PCDHGA1: variants seen among roughly 807,000 people sequenced by gnomAD.
The protein encoded by PCDHGA1 is protocadherin gamma-A1.
Under a neutral mutation model 58.0 loss-of-function variants are expected in PCDHGA1, and 32 were observed. The ratio of observed to expected loss-of-function variants is 0.55; its 90% CI spans 0.42 to 0.74. The LOEUF is 0.74. PCDHGA1 is among the 30% of genes least tolerant of loss of function. PCDHGA1 has a pLI of 0.00. For synonymous variants in PCDHGA1, 498 were observed against 501.1 expected, an observed-to-expected ratio of 0.99 and a Z score of 0.08; for missense variants, 1,205 against 1,182.3, an observed-to-expected ratio of 1.02 and a Z score of -0.28.
Position 141,331,905 on chromosome 5 carries a change from AAG to A in PCDHGA1, c.1223_1224del (p.Arg408AsnfsTer27), listed in dbSNP as rs751181603. 1 of 1,614,196 alleles carries A rather than the reference AAG, an allele frequency of 6.2e-7. No homozygotes were observed. Among genetic ancestry groups the A allele is most frequent in the Non-Finnish European group, 8.5e-7 (1 of 1,180,038 alleles). ...VDNYYRLVTE[R>X]TLDRELISGY... ...ATAATTATTACCGTTTAGTGACTGA[AAG>A]AACACTGGACAGAGAACTTATCTCT... On this transcript the variant is annotated frameshift_variant, in exon 1 of 4. Transcript: ENST00000517417. LOFTEE classifies it high-confidence loss of function.
intron 2 of PCDHGA1, among the ~76,000 whole-genome samples, chr5:141,501,290 T>TACAC (rs55762287): frequency 0.051 from 6,975 of 136,060 alleles, 192 homozygotes; most frequent in African/African-American, 0.071. Context: ...TATTCCCTTA[T>TACAC]ACACACACAC....
At chr5:141,392,730 C>T (rs1374381872) in intron 1 of PCDHGA1, 10 of 1,409,212 alleles carry the variant, frequency 7.1e-6, no homozygotes, top group Non-Finnish European at 8.4e-6. Context: ...GGAGGATTGT[C>T]ATCTCCATAG....
At chr5:141,502,953 C>G (rs145774277) in intron 2 of PCDHGA1, among the ~76,000 whole-genome samples, 1,594 of 147,762 alleles carry the variant, frequency 0.011, 24 homozygotes, top group African/African-American at 0.037. Context: ...AAGCGATTCT[C>G]CTGCCTCAGC....
rs70988800 is a variant in PCDHGA1 at position 141,379,889 on chromosome 5, C to CTTTTTTTTTTTTTTTTTTTTTTTT, written c.2421+46791_2421+46814dup. Among the ~76,000 whole-genome samples, 49 of 50,830 alleles carry CTTTTTTTTTTTTTTTTTTTTTTTT rather than the reference C, an allele frequency of 9.6e-4. 5 individuals are homozygous for CTTTTTTTTTTTTTTTTTTTTTTTT. The highest frequency in any genetic ancestry group is 1.6e-3 in the Non-Finnish European group (41 of 25,880). 33.3% of individuals were successfully genotyped at this position (50,830 alleles called of 152,430 possible). ...CTTATTTTATGGTCTGTGAAAGCCT[C>CTTTTTTTTTTTTTTTTTTTTTTTT]TTTTTTTTTTTTTTTTTTTTTTTTT... On this transcript the variant is annotated intron_variant, in intron 1 of 3. Coordinates refer to ENST00000517417, the MANE Select transcript of PCDHGA1 (RefSeq NM_018912.3).
At position 141,440,639 on chromosome 5, in the gene PCDHGA1, T is replaced by C. The variant is rs2098191350; in HGVS notation, c.2422-54168T>C. On this transcript the variant is annotated intron_variant, in intron 1 of 3. Coordinates refer to ENST00000517417, the MANE Select transcript of PCDHGA1 (RefSeq NM_018912.3). ...GATCCTGATGTTGAGAGAAATTCCT[T>C]ACAAAATTATCACCTTAGCAGCAAC... 2 of 152,192 alleles carry C rather than the reference T, an allele frequency of 1.3e-5. 1 individual carries two copies. The highest frequency in any genetic ancestry group is 4.8e-5 in the African/African-American group (2 of 41,440). The allele number at this position is 152,192 out of a possible 1,614,324, so 9.4% of individuals were successfully genotyped here.
At chr5:141,421,303 G>A (rs1456288695) in intron 1 of PCDHGA1, 1 of 1,613,660 alleles carries the variant, frequency 6.2e-7, no homozygotes, top group Non-Finnish European at 8.5e-7. Flanking sequence ...GACGCTGCGG[G>A]GGTTCCGGGC....
At chr5:141,438,741 A>T (rs1184994731) in intron 1 of PCDHGA1, among the ~76,000 whole-genome samples, 3 of 148,914 alleles carry the variant, frequency 2.0e-5, no homozygotes, top group South Asian at 2.1e-4. Context: ...AGCTCACTGC[A>T]ACCTCTGCCT....
Position 141,331,356 on chromosome 5 carries a change from GA to G in PCDHGA1, c.673del (p.Thr225ProfsTer25). On this transcript the variant is annotated frameshift_variant, in exon 1 of 4. Transcript: ENST00000517417. LOFTEE classifies it high-confidence loss of function. ...ATGGGGGTGAACCAGTCCGTTCAGGGACCCTCAGAATTTACATTCAGGTGGT... is the reference window on the plus strand; with the variant it reads ...ATGGGGGTGAACCAGTCCGTTCAGGGCCCTCAGAATTTACATTCAGGTGGT... Reference protein sequence around the residue: ...SDGGEPVRSGTLRIYIQVVDA... With the variant: ...SDGGEPVRSGXLRIYIQVVDA... The G allele has an allele frequency of 6.2e-7, 1 of 1,614,126 alleles. No individual in the cohort carries two copies. The highest frequency in any genetic ancestry group is 8.5e-7 in the Non-Finnish European group (1 of 1,180,052).
Position 141,345,267 on chromosome 5 carries a change from C to T in PCDHGA1, c.2421+12162C>T, listed in dbSNP as rs770576379. On this transcript the variant is annotated intron_variant, in intron 1 of 3. Transcript: ENST00000517417. The stretch of plus-strand genomic sequence containing the variant: ...CTTAGTGACGGCCACATCCCTGGAC[C>T]GCGAACAAATATCAGAATATAACAT... 3.1e-6 allele frequency: 5 copies of T among 1,613,882 alleles called. No homozygotes were observed. The highest frequency in any genetic ancestry group is 1.3e-5 in the African/African-American group (1 of 74,994).
At chr5:141,421,034 C>G (rs2096540283) in intron 1 of PCDHGA1, 2 of 538,266 alleles carry the variant, frequency 3.7e-6, no homozygotes, top group Non-Finnish European at 6.4e-6. Context: ...CATTGAGTCC[C>G]TCCCTCCCCC....
intron 1 of PCDHGA1, chr5:141,343,970 A>C: frequency 7.3e-7 from 1 of 1,376,390 alleles, no homozygotes; most frequent in South Asian, 1.6e-5. Context: ...TTGAGAAAAT[A>C]AGATTGGAGT....
intron 1 of PCDHGA1, chr5:141,389,959 T>C (rs764607245): frequency 6.2e-7 from 1 of 1,614,058 alleles, no homozygotes; most frequent in Non-Finnish European, 8.5e-7. Flanking sequence ...TACCTAGTGG[T>C]GGCCTTGGCC....
At chr5:141,388,734 G>C in intron 1 of PCDHGA1, 1 of 1,614,018 alleles carries the variant, frequency 6.2e-7, no homozygotes, top group Non-Finnish European at 8.5e-7. Flanking sequence ...TTTCAGTGAA[G>C]CTAGCCAGAT....
intron 1 of PCDHGA1, chr5:141,413,863 G>A (rs1367797365): frequency 1.9e-6 from 3 of 1,613,356 alleles, no homozygotes; most frequent in Admixed American, 1.7e-5. Flanking sequence ...ATCTGGCACT[G>A]TCCTTGTCAG....
Position 141,331,564 on chromosome 5 carries a change from T to G in PCDHGA1, c.880T>G (p.Leu294Val), listed in dbSNP as rs1371841071. Residue 294 changes from leucine (L) to valine (V), a missense_variant, in exon 1 of 4, where the codon TTA becomes GTA. By Grantham distance (32) the Leu-to-Val change is conservative. Transcript: ENST00000517417. The stretch of plus-strand genomic sequence containing the variant: ...CCACAGAGTGGCCCAAATATTTCGT[T>G]TAGATTCTTACACAGGAGAAATATC... ...VDHRVAQIFR[L>V]DSYTGEISNK... 9.3e-6 allele frequency: 15 copies of G among 1,614,016 alleles called. No individual in the cohort carries two copies. Among genetic ancestry groups the G allele is most frequent in the African/African-American group, 1.3e-5 (1 of 74,918 alleles).
Position 141,491,401 on chromosome 5 carries a change from G to A in PCDHGA1, c.2422-3406G>A. The A allele has an allele frequency of 6.2e-7, 1 of 1,614,100 alleles. No homozygotes were observed. ...GTCAGCGAAGTGCCTTCAGGGAAAC[G>A]CAGACGGGGACGGGGGTGGAGGGCA... On this transcript the variant is annotated intron_variant, in intron 1 of 3. Transcript: ENST00000517417. This position sits in a 1 kb window ranked among gnomAD's most constrained non-coding sequence, Gnocchi z 6.9.
At chr5:141,393,307 A>C (rs1394490963) in intron 1 of PCDHGA1, 3 of 1,613,594 alleles carry the variant, frequency 1.9e-6, no homozygotes, top group South Asian at 2.2e-5. Context: ...GTGGGCGTGA[A>C]CTCCCTCCAG....
chr5:141,367,878 CTTT>C (rs1165351222), intron 1 of PCDHGA1: 2 of 151,946 alleles, frequency 1.3e-5, no homozygotes, highest in South Asian at 2.1e-4. Flanking sequence ...TGCAATTCTT[CTTT>C]ATTACTTGAG....
intron 1 of PCDHGA1, chr5:141,479,437 C>G (rs2099496053): frequency 6.6e-6 from 1 of 152,224 alleles, no homozygotes; most frequent in Admixed American, 6.5e-5. Flanking sequence ...AATCCACTGT[C>G]TGCACTAAGT....
Sources: gnomAD v4.1 joint callset for allele counts (sites outside exome capture counted in the v4.1 genomes callset) on GRCh38, gnomAD v4.1.1 for gene constraint, Gnocchi (gnomAD v3.1) non-coding constraint, MANE v1.5 for transcripts, NCBI Gene and HGNC (gene_info 2026-07-23, HGNC 2026-07-21) for gene names.